The following RNLS variants were observed in gnomAD, a reference collection of about 807,000 sequenced individuals.
RNLS encodes the protein renalase, FAD dependent amine oxidase.
In RNLS, 39 loss-of-function variants were observed where a neutral mutation model predicts 39.8. The ratio of observed to expected loss-of-function variants is 0.98; its 90% CI spans 0.76 to 1.28. The LOEUF (loss-of-function observed/expected upper bound fraction) is 1.28. Ranked by LOEUF, RNLS falls within the 50% of genes most tolerant of loss-of-function variation. The pLI is 0.00. For missense variants in RNLS, 410 were observed against 413.3 expected (o/e 0.99, Z 0.07); for synonymous variants, 147 against 150.7 (o/e 0.98, Z 0.18).
the RNLS span, among the ~76,000 whole-genome samples, chr10:88,258,959 G>A: frequency 3.3e-5 from 5 of 152,290 alleles, no homozygotes; most frequent in South Asian, 1.0e-3. Flanking sequence ...AATCCCTGAA[G>A]CTAAAGAGCA....
intron 5 of RNLS, among the ~76,000 whole-genome samples, chr10:88,351,661 C>T (rs1848719470): frequency 6.6e-6 from 1 of 152,100 alleles, no homozygotes; most frequent in Admixed American, 6.5e-5. Flanking sequence ...AGTCAGGTAG[C>T]GTGATGCCTC....
chr10:88,288,058 AGTT>A (rs1843404522), intron 6 of RNLS, among the ~76,000 whole-genome samples: 1 of 152,202 alleles, frequency 6.6e-6, no homozygotes, highest in African/African-American at 2.4e-5. Context: ...ATCAGTTATT[AGTT>A]GTCCTACAAT....
chr10:88,284,281 T>C lies in RNLS; in HGVS notation c.*1073A>G. ...AAACACTATTACAGTAAGAAGTCTTTTGTTGAACTTTTGTTAGTTTGAGAG... is the reference window on the plus strand; with the variant it reads ...AAACACTATTACAGTAAGAAGTCTTCTGTTGAACTTTTGTTAGTTTGAGAG... On this transcript the variant is annotated 3_prime_UTR_variant, in exon 7 of 7. Transcript: ENST00000331772. The C allele has an allele frequency of 1.0e-6, 1 of 985,382 alleles. No individual in the cohort carries two copies. Among genetic ancestry groups the C allele is most frequent in the Non-Finnish European group, 1.2e-6 (1 of 829,890 alleles). The allele number at this position is 985,382 out of a possible 1,614,324, so 61.0% of individuals were successfully genotyped here.
At chr10:88,224,301 T>G in the RNLS span, among the ~76,000 whole-genome samples, 1 of 152,184 alleles carries the variant, frequency 6.6e-6, no homozygotes, top group Admixed American at 6.5e-5. Context: ...CAGCTTCCTT[T>G]TCATCTTAAC....
chr10:88,203,422 G>GTA, the RNLS span, among the ~76,000 whole-genome samples: 4 of 89,080 alleles, frequency 4.5e-5, 1 homozygote, highest in East Asian at 3.2e-4. Context: ...ACACGTATGT[G>GTA]TATATATATA....
intron 6 of RNLS, among the ~76,000 whole-genome samples, chr10:88,293,151 A>G (rs1315087441): frequency 6.6e-6 from 1 of 152,202 alleles, no homozygotes; most frequent in African/African-American, 2.4e-5. Context: ...GCTATTGTTT[A>G]CTGGTTGCAC....
chr10:88,516,755 T>C (rs557180543), intron 4 of RNLS, among the ~76,000 whole-genome samples: 1 of 152,172 alleles, frequency 6.6e-6, no homozygotes, highest in South Asian at 2.1e-4. Context: ...GAAAAATTAA[T>C]TATTGGACAC....
chr10:88,474,804 C>T (rs1359077657), intron 4 of RNLS, among the ~76,000 whole-genome samples: 3 of 152,126 alleles, frequency 2.0e-5, no homozygotes, highest in Admixed American at 2.0e-4. Flanking sequence ...ATATGCCAAG[C>T]TCTAAGCACT....
chr10:88,297,005 T>A (rs1844140904), intron 6 of RNLS, among the ~76,000 whole-genome samples: 1 of 152,212 alleles, frequency 6.6e-6, no homozygotes, highest in Non-Finnish European at 1.5e-5. Context: ...CTGAGTAGTT[T>A]TTCATTTATG....
chr10:88,390,641 A>G (rs1374772799), intron 4 of RNLS, among the ~76,000 whole-genome samples: 1 of 152,176 alleles, frequency 6.6e-6, no homozygotes, highest in Non-Finnish European at 1.5e-5. Context: ...AAAACAACTA[A>G]CAGCTGGCTC....
At chr10:88,339,910 G>A (rs147487459) in intron 5 of RNLS, among the ~76,000 whole-genome samples, 34 of 152,266 alleles carry the variant, frequency 2.2e-4, no homozygotes, top group African/African-American at 7.7e-4. Context: ...GACCTGTGAG[G>A]CAGATCCATG....
chr10:88,363,341 A>G (rs1849789791), intron 4 of RNLS, among the ~76,000 whole-genome samples: 1 of 152,124 alleles, frequency 6.6e-6, no homozygotes, highest in Non-Finnish European at 1.5e-5. Context: ...GCAAACCACC[A>G]TGGCACATGA....
At chr10:88,281,737 G>T (rs139258567), downstream of RNLS, among the ~76,000 whole-genome samples, 1 of 152,256 alleles carries the variant, frequency 6.6e-6, no homozygotes, top group East Asian at 1.9e-4. Flanking sequence ...ATCCCTCTGG[G>T]ATGGCTTCCA....
intron 4 of RNLS, among the ~76,000 whole-genome samples, chr10:88,408,779 G>A (rs1853460945): frequency 6.6e-6 from 1 of 151,778 alleles, no homozygotes; most frequent in Non-Finnish European, 1.5e-5. Context: ...TTTTCATTGG[G>A]ATTATGTTTT....
chr10:88,295,493 G>A lies in RNLS; in HGVS notation c.877-9987C>T, dbSNP rs116452877. 2.5e-3 allele frequency among the ~76,000 whole-genome samples: 383 copies of A among 152,016 alleles called. 1 individual carries two copies. The highest frequency in any genetic ancestry group is 8.8e-3 in the African/African-American group (364 of 41,490). On this transcript the variant is annotated intron_variant, in intron 6 of 6. Transcript: ENST00000331772. Reference sequence around the variant, plus strand: ...CTCCAGTGTTCTATTATATTTAACGGTGATTTCATAAACCCATTTCTTTGT... The same window carrying A: ...CTCCAGTGTTCTATTATATTTAACGATGATTTCATAAACCCATTTCTTTGT...
chr10:88,350,215 C>CT lies in RNLS; in HGVS notation c.700+12336dup, dbSNP rs558628829. 6.0e-3 allele frequency among the ~76,000 whole-genome samples: 858 copies of CT among 141,852 alleles called. 6 individuals are homozygous for CT. Among genetic ancestry groups the CT allele is most frequent in the Middle Eastern group, 0.041 (11 of 268 alleles). 93.1% of individuals were successfully genotyped at this position (141,852 alleles called of 152,430 possible). A position where few individuals can be genotyped will look rare whatever the true frequency, so the allele number is the denominator to read the frequency against. ...CAAATGGTTCCATGTTCATTCAATTCTTTTTTTTTTTTAATATGTATACAT... is the reference window on the plus strand; with the variant it reads ...CAAATGGTTCCATGTTCATTCAATTCTTTTTTTTTTTTTAATATGTATACAT... On this transcript the variant is annotated intron_variant, in intron 5 of 6. Transcript: ENST00000331772.
chr10:88,548,884 A>G (rs1261987343), intron 4 of RNLS, among the ~76,000 whole-genome samples: 1 of 152,092 alleles, frequency 6.6e-6, no homozygotes, highest in Non-Finnish European at 1.5e-5. Flanking sequence ...CAGTATCAAC[A>G]TGAATTTAGA....
intron 4 of RNLS, among the ~76,000 whole-genome samples, chr10:88,520,411 G>T (rs1388070250): frequency 6.6e-6 from 1 of 152,004 alleles, no homozygotes; most frequent in Non-Finnish European, 1.5e-5. Context: ...CTTGTGAATT[G>T]TCTTCTGGCA....
intron 6 of RNLS, among the ~76,000 whole-genome samples, chr10:88,307,131 T>C (rs940176262): frequency 1.3e-5 from 2 of 152,130 alleles, no homozygotes; most frequent in African/African-American, 4.8e-5. Flanking sequence ...CCCTTTCATG[T>C]GAAAAACTCT....
Sources: allele counts gnomAD v4.1 joint callset (sites outside exome capture counted in the v4.1 genomes callset), GRCh38; gene constraint gnomAD v4.1.1; transcripts MANE v1.5; gene names NCBI Gene and HGNC (gene_info 2026-07-23, HGNC 2026-07-21).